FGD4: variants seen among roughly 807,000 people sequenced by gnomAD.
FGD4 encodes the protein FYVE, RhoGEF and PH domain containing 4, also known as FYVE, RhoGEF and PH domain-containing protein 4.
A neutral mutation model predicts 102.0 loss-of-function variants in FGD4; 42 were observed. That is an observed-to-expected ratio of 0.41 (90% confidence interval 0.32 to 0.53). The LOEUF (loss-of-function observed/expected upper bound fraction) is 0.53, where lower values mean the gene tolerates loss of function less well. Among genes scored for constraint, FGD4 ranks in the 20% least tolerant of loss-of-function variants. The pLI is 0.21. For missense variants in FGD4, 902 were observed against 1,078.2 expected (o/e 0.84, Z 2.29); for synonymous variants, 380 against 375.7 (o/e 1.01, Z -0.13).
chr12:32,628,816 G>A (rs1950332024), intron 14 of FGD4, among the ~76,000 whole-genome samples: 1 of 152,108 alleles, frequency 6.6e-6, no homozygotes, highest in Non-Finnish European at 1.5e-5. Flanking sequence ...AATATGTTTG[G>A]GGATGAGGCT....
At chr12:32,487,571 T>C (rs1463840938) in intron 1 of FGD4, among the ~76,000 whole-genome samples, 1 of 151,982 alleles carries the variant, frequency 6.6e-6, no homozygotes, top group African/African-American at 2.4e-5. Flanking sequence ...GAATTACAGG[T>C]GCATGTCACC....
intron 7 of FGD4, among the ~76,000 whole-genome samples, chr12:32,605,856 G>T (rs1015864693): frequency 1.3e-5 from 2 of 152,180 alleles, no homozygotes; most frequent in Admixed American, 6.5e-5. Flanking sequence ...CGTAGTGCTT[G>T]TTGCATAGTA....
intron 1 of FGD4, among the ~76,000 whole-genome samples, chr12:32,432,805 G>A (rs1942099301): frequency 1.3e-5 from 2 of 152,062 alleles, no homozygotes; most frequent in South Asian, 2.1e-4. Context: ...ACCTAGAAGA[G>A]TTCCTGGCTC....
At chr12:32,502,869 T>C (rs1230877901) in intron 1 of FGD4, among the ~76,000 whole-genome samples, 2 of 152,200 alleles carry the variant, frequency 1.3e-5, no homozygotes, top group Admixed American at 6.5e-5. Flanking sequence ...GTGGAAACAA[T>C]GTGGCAGTGC....
intron 1 of FGD4, chr12:32,501,960 G>A: frequency 1.1e-6 from 1 of 906,412 alleles, no homozygotes; most frequent in East Asian, 1.2e-4. Flanking sequence ...GCACTGGCTT[G>A]TTTAAATAGC....
chr12:32,466,202 T>C (rs1943248744), intron 1 of FGD4, among the ~76,000 whole-genome samples: 1 of 152,216 alleles, frequency 6.6e-6, no homozygotes, highest in African/African-American at 2.4e-5. Flanking sequence ...ATGAAAAAAG[T>C]TTGCGACTAG....
At chr12:32,480,734 C>CAG (rs1479492051) in intron 1 of FGD4, among the ~76,000 whole-genome samples, 1 of 150,756 alleles carries the variant, frequency 6.6e-6, no homozygotes, top group Non-Finnish European at 1.5e-5. Flanking sequence ...CTCCTGACCT[C>CAG]GTGATCCGCC....
At chr12:32,499,209 A>C (rs1938012595) in intron 1 of FGD4, among the ~76,000 whole-genome samples, 1 of 152,238 alleles carries the variant, frequency 6.6e-6, no homozygotes, top group Non-Finnish European at 1.5e-5. Context: ...GTATTTGAGG[A>C]AGATAAATTA....
intron 1 of FGD4, among the ~76,000 whole-genome samples, chr12:32,475,666 G>T (rs1439125925): frequency 6.6e-6 from 1 of 152,114 alleles, no homozygotes; most frequent in East Asian, 1.9e-4. Context: ...AAAATCTCCG[G>T]GTGAGTCTGA....
chr12:32,543,875 C>T (rs1943035659), intron 1 of FGD4, among the ~76,000 whole-genome samples: 1 of 152,122 alleles, frequency 6.6e-6, no homozygotes, highest in Non-Finnish European at 1.5e-5. Context: ...GATCCGCCCG[C>T]CTCGGCCTCC....
chr12:32,444,733 T>C (rs1942562262), intron 1 of FGD4, among the ~76,000 whole-genome samples: 1 of 152,148 alleles, frequency 6.6e-6, no homozygotes, highest in South Asian at 2.1e-4. Flanking sequence ...AAGAATTTTC[T>C]CCTTTCAAAA....
chr12:32,400,144 G>C lies in FGD4; in HGVS notation c.166+185G>C, dbSNP rs186557499. ...TAGCTATGCTGTCCCTTCCCCCAGA[G>C]GACCTTGGGCAGGAACCCGCCTACC... On this transcript the variant is annotated intron_variant, in intron 1 of 16. Coordinates refer to ENST00000534526, the MANE Select transcript of FGD4 (RefSeq NM_001370298.3). Among the ~76,000 whole-genome samples the C allele has an allele frequency of 6.9e-3, 1,058 of 152,336 alleles. 14 individuals carry two copies. Among genetic ancestry groups the C allele is most frequent in the African/African-American group, 0.025 (1,025 of 41,588 alleles).
At position 32,638,920 on chromosome 12, in the gene FGD4, A is replaced by G. The variant is rs191880714; in HGVS notation, c.2454+125A>G. 376 of 1,529,618 alleles carry G rather than the reference A, an allele frequency of 2.5e-4. No homozygotes were observed. The highest frequency in any genetic ancestry group is 3.3e-4 in the Admixed American group (14 of 42,942). 94.8% of individuals were successfully genotyped at this position (1,529,618 alleles called of 1,614,324 possible). ...GTTTCACTGTTTCATTAAAATTGAA[A>G]AATAATGAGTAAAGTTCAAGTTTGT... On this transcript the variant is annotated intron_variant, in intron 16 of 16. Transcript: ENST00000534526.
In FGD4 at chr12:32,642,042, T is replaced by G. The variant is rs1320549212; in HGVS notation, c.*1509T>G. ...TTACACCTTAGATATAGAATAGAAT[T>G]TGAGACTGCCACACATTTATTCAGG... On this transcript the variant is annotated 3_prime_UTR_variant, in exon 17 of 17. Coordinates refer to ENST00000534526, the MANE Select transcript of FGD4 (RefSeq NM_001370298.3). 6.6e-6 allele frequency: 1 copy of G among 152,124 alleles called. No individual in the cohort carries two copies. Among genetic ancestry groups the G allele is most frequent in the Admixed American group, 6.6e-5 (1 of 15,260 alleles). The allele number at this position is 152,124 out of a possible 1,614,324, so 9.4% of individuals were successfully genotyped here.
chr12:32,519,119 GAAAAAAAAAAA>G (rs751377618), intron 1 of FGD4, among the ~76,000 whole-genome samples: 2 of 73,428 alleles, frequency 2.7e-5, no homozygotes, highest in African/African-American at 1.0e-4. Flanking sequence ...TCCGTCTCAG[GAAAAAAAAAAA>G]AAAAAAAAAA....
intron 1 of FGD4, among the ~76,000 whole-genome samples, chr12:32,562,411 CTTATT>C (rs1354753763): frequency 1.3e-5 from 2 of 152,266 alleles, no homozygotes; most frequent in East Asian, 1.9e-4. Context: ...GGAAATTTAA[CTTATT>C]TTATTTTTCT....
In FGD4 at chr12:32,599,627, G is replaced by C. The variant is rs1390694232; in HGVS notation, c.1101+1041G>C. On this transcript the variant is annotated intron_variant, in intron 5 of 16. Coordinates refer to ENST00000534526, the MANE Select transcript of FGD4 (RefSeq NM_001370298.3). Reference sequence around the variant, plus strand: ...CAGTGGTTTGATCTTGGCTCACTGCGACCTCCTACTCCCAGGTTCAAGCAA... The same window carrying C: ...CAGTGGTTTGATCTTGGCTCACTGCCACCTCCTACTCCCAGGTTCAAGCAA... Among the ~76,000 whole-genome samples, 8 of 111,884 alleles carry C rather than the reference G, an allele frequency of 7.2e-5. No homozygotes were observed. In the Admixed American group the frequency reaches 7.8e-4, roughly 11 times the overall value. 73.4% of individuals were successfully genotyped at this position (111,884 alleles called of 152,430 possible).
At chr12:32,402,193 G>A (rs1301156302) in intron 1 of FGD4, among the ~76,000 whole-genome samples, 1 of 146,768 alleles carries the variant, frequency 6.8e-6, no homozygotes, top group Non-Finnish European at 1.5e-5. Context: ...TGTAATCCCA[G>A]CACTTTGGGA....
intron 1 of FGD4, among the ~76,000 whole-genome samples, chr12:32,411,512 C>A (rs996111310): frequency 2.0e-5 from 3 of 151,902 alleles, no homozygotes; most frequent in Non-Finnish European, 4.4e-5. Flanking sequence ...CCAGCCTGGG[C>A]GACAGAGCAA....
Sources: allele counts gnomAD v4.1 joint callset (sites outside exome capture counted in the v4.1 genomes callset), GRCh38; gene constraint gnomAD v4.1.1; transcripts MANE v1.5; gene names NCBI Gene and HGNC (gene_info 2026-07-23, HGNC 2026-07-21).